SAMD12: variants seen among roughly 807,000 people sequenced by gnomAD.
SAMD12 encodes the protein sterile alpha motif domain-containing protein 12.
A neutral mutation model predicts 15.0 loss-of-function variants in SAMD12; 9 were observed. The ratio of observed to expected loss-of-function variants is 0.60; its 90% CI spans 0.36 to 1.05. The LOEUF is 1.05. SAMD12 is among the 50% of genes least tolerant of loss of function. SAMD12 has a pLI of 0.01. For synonymous variants in SAMD12, 86 were observed against 90.1 expected, an observed-to-expected ratio of 0.96 and a Z score of 0.25; for missense variants, 230 against 234.2, an observed-to-expected ratio of 0.98 and a Z score of 0.12.
intron 3 of SAMD12, among the ~76,000 whole-genome samples, chr8:118,437,276 G>A (rs1386279300): frequency 1.3e-5 from 2 of 152,228 alleles, no homozygotes; most frequent in African/African-American, 4.8e-5. Context: ...AACAGGGGAA[G>A]AGAGTTGTCT....
intron 1 of SAMD12, among the ~76,000 whole-genome samples, chr8:118,603,635 C>A (rs1827917527): frequency 6.6e-6 from 1 of 152,090 alleles, no homozygotes; most frequent in Admixed American, 6.5e-5. Flanking sequence ...CCATCAAAAC[C>A]AAGGTGAAAA....
the SAMD12 span, among the ~76,000 whole-genome samples, chr8:118,161,271 C>T: frequency 1.3e-5 from 2 of 152,128 alleles, no homozygotes; most frequent in Non-Finnish European, 2.9e-5. Flanking sequence ...AGAAAGCGAA[C>T]TTTATCAATA....
chr8:118,237,706 T>G (rs1812465890), intron 4 of SAMD12, among the ~76,000 whole-genome samples: 2 of 152,192 alleles, frequency 1.3e-5, no homozygotes, highest in African/African-American at 4.8e-5. Flanking sequence ...GATTGGGACT[T>G]CAGATGTCTT....
chr8:118,169,089 T>G, the SAMD12 span, among the ~76,000 whole-genome samples: 1 of 152,140 alleles, frequency 6.6e-6, no homozygotes, highest in South Asian at 2.1e-4. Flanking sequence ...AAAATCTACC[T>G]AGTGGGTATG....
At chr8:118,406,148 C>A (rs1405741853) in intron 3 of SAMD12, among the ~76,000 whole-genome samples, 2 of 151,762 alleles carry the variant, frequency 1.3e-5, no homozygotes, top group Non-Finnish European at 2.9e-5. Flanking sequence ...TAGGACCCTC[C>A]CTGACATGCC....
chr8:118,457,389 C>A (rs1331053631), intron 2 of SAMD12, among the ~76,000 whole-genome samples: 1 of 151,228 alleles, frequency 6.6e-6, no homozygotes, highest in Non-Finnish European at 1.5e-5. Context: ...TACCACAACA[C>A]CCAGATTTTT....
chr8:118,229,872 C>T (rs1812269995), intron 4 of SAMD12, among the ~76,000 whole-genome samples: 3 of 152,122 alleles, frequency 2.0e-5, no homozygotes, highest in Admixed American at 2.0e-4. Context: ...GAGCTGGAGC[C>T]CAATTATCTA....
At chr8:118,482,179 T>C (rs554278490) in intron 2 of SAMD12, among the ~76,000 whole-genome samples, 2 of 152,348 alleles carry the variant, frequency 1.3e-5, no homozygotes, top group African/African-American at 2.4e-5. Flanking sequence ...CCTATAATTT[T>C]AAATACATGA....
At chr8:118,553,682 G>T (rs2131189835) in intron 2 of SAMD12, among the ~76,000 whole-genome samples, 1 of 151,452 alleles carries the variant, frequency 6.6e-6, no homozygotes, top group Admixed American at 6.6e-5. Flanking sequence ...ATTGACAAAT[G>T]GGATCTAATT....
chr8:118,530,642 C>T (rs1475520753), intron 2 of SAMD12, among the ~76,000 whole-genome samples: 1 of 152,170 alleles, frequency 6.6e-6, no homozygotes, highest in Non-Finnish European at 1.5e-5. Context: ...TTCTCCCATT[C>T]TGTAGGTTGT....
chr8:118,517,114 G>A (rs1586780878), intron 2 of SAMD12, among the ~76,000 whole-genome samples: 1 of 152,140 alleles, frequency 6.6e-6, no homozygotes, highest in East Asian at 1.9e-4. Flanking sequence ...ATAATCAGTG[G>A]GGAAGAAATC....
the SAMD12 span, among the ~76,000 whole-genome samples, chr8:118,135,527 T>C: frequency 9.9e-5 from 15 of 151,784 alleles, no homozygotes; most frequent in Non-Finnish European, 1.5e-4. Context: ...AATTTTTCCA[T>C]TGGAGAAATT....
intron 1 of SAMD12, among the ~76,000 whole-genome samples, chr8:118,601,775 T>C (rs1009863151): frequency 2.6e-5 from 4 of 152,208 alleles, no homozygotes; most frequent in African/African-American, 4.8e-5. Flanking sequence ...ATCAACAATC[T>C]CTTACCCCCA....
intron 3 of SAMD12, among the ~76,000 whole-genome samples, chr8:118,401,272 G>A (rs1192558877): frequency 6.6e-6 from 1 of 152,164 alleles, no homozygotes; most frequent in Non-Finnish European, 1.5e-5. Context: ...ATGGCTGAAA[G>A]TGTGAATTTA....
intron 2 of SAMD12, among the ~76,000 whole-genome samples, chr8:118,524,801 TAC>T (rs1032701423): frequency 2.3e-4 from 35 of 152,316 alleles, no homozygotes; most frequent in African/African-American, 8.4e-4. Flanking sequence ...TGAAAAATGC[TAC>T]TGTATCTTCA....
intron 3 of SAMD12, among the ~76,000 whole-genome samples, chr8:118,407,572 A>G (rs1475881365): frequency 6.6e-6 from 1 of 152,176 alleles, no homozygotes; most frequent in African/African-American, 2.4e-5. Context: ...AGAACTATGT[A>G]TGGACAAATG....
At chr8:118,280,482 T>C (rs115761862) in intron 4 of SAMD12, among the ~76,000 whole-genome samples, 3 of 152,062 alleles carry the variant, frequency 2.0e-5, no homozygotes, top group Admixed American at 1.3e-4. Flanking sequence ...TCTGTATTAA[T>C]AGAAATATGG....
chr8:118,154,050 T>C, the SAMD12 span, among the ~76,000 whole-genome samples: 1 of 151,768 alleles, frequency 6.6e-6, no homozygotes. Context: ...CCCCAGTCCA[T>C]CCACTACACT....
intron 4 of SAMD12, among the ~76,000 whole-genome samples, chr8:118,234,605 G>A (rs1812386134): frequency 6.6e-6 from 1 of 151,422 alleles, no homozygotes; most frequent in African/African-American, 2.4e-5. Flanking sequence ...CAGCTACTTG[G>A]GAGGCTGAGG....
Sources: allele counts gnomAD v4.1 joint callset (sites outside exome capture counted in the v4.1 genomes callset), GRCh38; gene constraint gnomAD v4.1.1; transcripts MANE v1.5; gene names NCBI Gene and HGNC (gene_info 2026-07-23, HGNC 2026-07-21).